Variants in AARSD1 observed in about 807,000 individuals in gnomAD.
AARSD1 encodes alanyl-tRNA synthetase domain containing 1, also known as alanyl-tRNA editing protein Aarsd1.
A neutral mutation model predicts 48.7 loss-of-function variants in AARSD1; 44 were observed. That is an observed-to-expected ratio of 0.90 (90% CI 0.71 to 1.16). AARSD1 has a LOEUF of 1.16. Ranked by LOEUF, AARSD1 falls within the 50% of genes most tolerant of loss-of-function variation. The pLI, the probability that AARSD1 is intolerant of heterozygous loss-of-function variation, is 0.00. For missense variants in AARSD1, 511 were observed against 523.1 expected, an observed-to-expected ratio of 0.98 and a Z score of 0.23; for synonymous variants, 189 against 194.9, an observed-to-expected ratio of 0.97 and a Z score of 0.25.
Position 42,955,147 on chromosome 17 carries a change from G to A in AARSD1, c.861+11C>T, listed in dbSNP as rs1473122177. 3 of 1,614,030 alleles carry A rather than the reference G, an allele frequency of 1.9e-6. No homozygotes were observed. The highest frequency in any genetic ancestry group is 2.5e-6 in the Non-Finnish European group (3 of 1,180,008). ...GCCCATGCCCTCTCTACCCTCCATG[G>A]AATAAATCACCTTCTGCAGGATCTT... is the stretch of plus-strand genomic sequence containing the variant. On this transcript the variant is annotated intron_variant, in intron 8 of 11. Transcript: ENST00000427569.
intron 11 of AARSD1, among the ~76,000 whole-genome samples, 169 bp from the exon 12 acceptor site, chr17:42,950,897 A>T (rs1051090769): frequency 6.6e-6 from 1 of 152,058 alleles, no homozygotes; most frequent in South Asian, 2.1e-4. Context: ...GGTGGCTCAC[A>T]CCTGTAATCC....
At chr17:42,963,124 C>G (rs1025876179) in intron 2 of AARSD1, among the ~76,000 whole-genome samples, 8 of 151,568 alleles carry the variant, frequency 5.3e-5, no homozygotes, top group African/African-American at 1.9e-4. Context: ...TTCTGTCCCC[C>G]ACGCTGAAGT....
chr17:42,955,241 AGAG>A lies in AARSD1; in HGVS notation c.795-20_795-18del. Reference sequence around the variant, plus strand: ...GCTCCACACCTGAAAGAGAAAGGTCAGAGGAGACCTGCGCAGCTTCCCAGTCGT... The same window carrying A: ...GCTCCACACCTGAAAGAGAAAGGTCAGAGACCTGCGCAGCTTCCCAGTCGT... On this transcript the variant is annotated intron_variant, in intron 7 of 11. Transcript: ENST00000427569. 2 of 1,613,554 alleles carry A rather than the reference AGAG, an allele frequency of 1.2e-6. No individual in the cohort carries two copies. Among genetic ancestry groups the A allele is most frequent in the Non-Finnish European group, 1.7e-6 (2 of 1,179,924 alleles).
intron 3 of AARSD1, among the ~76,000 whole-genome samples, chr17:42,959,115 C>T (rs1375836281): frequency 2.9e-5 from 4 of 140,016 alleles, no homozygotes; most frequent in Admixed American, 1.5e-4. Context: ...GAGAATCACC[C>T]GAACCCAGTA....
chr17:42,952,251 TTG>T (rs2049489487), intron 10 of AARSD1: 2 of 300,702 alleles, frequency 6.7e-6, no homozygotes, highest in African/African-American at 4.3e-5. Context: ...CCTCTGCCCC[TTG>T]TCTGTCTGAT....
intron 11 of AARSD1, 142 bp from the exon 12 acceptor site, chr17:42,950,870 G>A: frequency 7.3e-7 from 1 of 1,369,026 alleles, no homozygotes; most frequent in East Asian, 2.5e-5. Flanking sequence ...GAAAACACTT[G>A]CACATAGGCT....
intron 9 of AARSD1, 34 bp downstream of exon 9, chr17:42,954,842 T>TC: frequency 6.2e-7 from 1 of 1,610,520 alleles, no homozygotes; most frequent in Non-Finnish European, 8.5e-7. Context: ...CCAACACAGT[T>TC]CCCCTTCCTT....
At chr17:42,960,700 T>G in intron 3 of AARSD1, among the ~76,000 whole-genome samples, 1 of 142,180 alleles carries the variant, frequency 7.0e-6, no homozygotes, top group African/African-American at 2.7e-5. Context: ...CCAGCCTGGG[T>G]GACAGAGCGA....
Position 42,950,548 on chromosome 17 carries a change from G to A in AARSD1, c.*45C>T, listed in dbSNP as rs781253618. 3.8e-6 allele frequency: 6 copies of A among 1,565,078 alleles called. No individual in the cohort carries two copies. The highest frequency in any genetic ancestry group is 5.2e-6 in the Non-Finnish European group (6 of 1,154,476). On this transcript the variant is annotated 3_prime_UTR_variant, in exon 12 of 12. Transcript: ENST00000427569. ...CCATTCTGAGTCAATCTATTTTATTGACCAAAAGATTCCTGTGGAAACAGG... is the reference window on the plus strand; with the variant it reads ...CCATTCTGAGTCAATCTATTTTATTAACCAAAAGATTCCTGTGGAAACAGG...
chr17:42,957,806 A>G (rs1008693753), intron 3 of AARSD1, among the ~76,000 whole-genome samples: 24 of 152,068 alleles, frequency 1.6e-4, no homozygotes, highest in African/African-American at 5.6e-4. Context: ...CATCCATTCA[A>G]CAAGTATTTA....
intron 3 of AARSD1, chr17:42,960,973 T>C: frequency 8.5e-6 from 6 of 705,166 alleles, no homozygotes; most frequent in Non-Finnish European, 1.3e-5. Flanking sequence ...AAGTTGATAA[T>C]ACCTAAATCC....
chr17:42,951,704 G>A (rs767094125), intron 11 of AARSD1, 96 bp downstream of exon 11: 93 of 1,317,590 alleles, frequency 7.1e-5, no homozygotes, highest in Non-Finnish European at 9.6e-5. Flanking sequence ...TGAATTAAAT[G>A]AGATCGCAGA....
chr17:42,954,801 T>A, intron 9 of AARSD1, 75 bp downstream of exon 9: 1 of 1,492,402 alleles, frequency 6.7e-7, no homozygotes, highest in Non-Finnish European at 9.3e-7. Flanking sequence ...CCACTGTACA[T>A]TGCATATAGA....
At chr17:42,958,044 A>G (rs1336026313) in intron 3 of AARSD1, among the ~76,000 whole-genome samples, 2 of 152,190 alleles carry the variant, frequency 1.3e-5, no homozygotes, top group Admixed American at 6.6e-5. Context: ...GCCAGGATGC[A>G]GCCAGCAAGA....
chr17:42,952,977 C>A (rs1032743693), intron 10 of AARSD1, among the ~76,000 whole-genome samples: 3 of 152,120 alleles, frequency 2.0e-5, no homozygotes, highest in South Asian at 4.2e-4. Flanking sequence ...CCACACCCAG[C>A]AAATTTTTGT....
At position 42,964,142 on chromosome 17, in the gene AARSD1, CAGCACCACT is replaced by C. The variant is rs770551179; in HGVS notation, c.126_134del (p.Val43_Leu45del). ...CCTCAGGGAAAAGCACTGTGTCTTCCAGCACCACTTGGAAACCGCTCAGCACTTCTTTCT... is the reference window on the plus strand; with the variant it reads ...CCTCAGGGAAAAGCACTGTGTCTTCCTGGAAACCGCTCAGCACTTCTTTCT... On this transcript the variant is annotated inframe_deletion, in exon 2 of 12. Transcript: ENST00000427569. The C allele has an allele frequency of 6.2e-7, 1 of 1,614,204 alleles. No individual in the cohort carries two copies. Among genetic ancestry groups the C allele is most frequent in the Admixed American group, 1.7e-5 (1 of 60,022 alleles).
At chr17:42,961,154 A>T in intron 3 of AARSD1, 38 bp downstream of exon 3, 1 of 1,579,270 alleles carries the variant, frequency 6.3e-7, no homozygotes, top group Non-Finnish European at 8.6e-7. Flanking sequence ...CATACATGGC[A>T]ACTGCTCCGG....
At chr17:42,956,153 C>T (rs1412987901) in intron 6 of AARSD1, 51 bp downstream of exon 6, 1 of 1,613,076 alleles carries the variant, frequency 6.2e-7, no homozygotes, top group Non-Finnish European at 8.5e-7. Flanking sequence ...CATGTGATCC[C>T]CTCTCCCCCA....
rs568048155 is a variant in AARSD1 at position 42,960,217 on chromosome 17, G to A, written c.331+975C>T. Among the ~76,000 whole-genome samples the A allele has an allele frequency of 1.9e-3, 284 of 151,778 alleles. 2 individuals are homozygous for A. The highest frequency in any genetic ancestry group is 3.0e-3 in the Non-Finnish European group (202 of 67,962). ...CCGGGAGGTGAGGTTGCAGTGAGCC[G>A]AGATCATGCCATTGCACTCCAGCCT... On this transcript the variant is annotated intron_variant, in intron 3 of 11. Coordinates refer to ENST00000427569, the MANE Select transcript of AARSD1 (RefSeq NM_001261434.2).
Sources: gnomAD v4.1 joint callset for allele counts (sites outside exome capture counted in the v4.1 genomes callset) on GRCh38, gnomAD v4.1.1 for gene constraint, MANE v1.5 for transcripts, NCBI Gene and HGNC (gene_info 2026-07-23, HGNC 2026-07-21) for gene names.